Variants in SFI1 observed in about 807,000 individuals in gnomAD.
The protein encoded by SFI1 is SFI1 centrin binding protein, also known as protein SFI1 homolog.
SFI1 carries 195 observed loss-of-function variants against 207.5 expected under a neutral mutation model. The ratio of observed to expected loss-of-function variants is 0.94; its 90% CI spans 0.84 to 1.06. The LOEUF is 1.06. Among genes scored for constraint, SFI1 ranks in the 50% least tolerant of loss-of-function variants. The pLI is 0.00. For missense variants in SFI1, 1,634 were observed against 1,588.0 expected (o/e 1.03, Z -0.49); for synonymous variants, 630 against 598.9 (o/e 1.05, Z -0.76).
intron 1 of SFI1, among the ~76,000 whole-genome samples, chr22:31,505,590 C>A (rs897995377): frequency 6.6e-6 from 1 of 151,756 alleles, no homozygotes; most frequent in African/African-American, 2.4e-5. Context: ...CACTGCACTC[C>A]AGCCTGAGTG....
At chr22:31,518,798 T>C (rs2056852813) in intron 2 of SFI1, among the ~76,000 whole-genome samples, 1 of 152,038 alleles carries the variant, frequency 6.6e-6, no homozygotes. Flanking sequence ...CCTCTAGGAG[T>C]CTGGAATTTT....
intron 4 of SFI1, among the ~76,000 whole-genome samples, chr22:31,535,481 G>A (rs948217537): frequency 1.3e-5 from 2 of 151,082 alleles, no homozygotes. Flanking sequence ...GAGCCACCGC[G>A]CCTGACCTTT....
chr22:31,592,837 G>A (rs1205009328), intron 15 of SFI1, among the ~76,000 whole-genome samples: 10 of 133,610 alleles, frequency 7.5e-5, no homozygotes, highest in Admixed American at 1.4e-4. Context: ...CCCGGACGGG[G>A]CGGCTGGCCA....
intron 9 of SFI1, among the ~76,000 whole-genome samples, chr22:31,573,438 A>T (rs1016564765): frequency 3.5e-5 from 5 of 141,550 alleles, no homozygotes; most frequent in South Asian, 4.5e-4. Flanking sequence ...CTGTAGATAG[A>T]TTTTTTTTTT....
intron 4 of SFI1, among the ~76,000 whole-genome samples, chr22:31,535,935 C>G (rs748338484): frequency 2.6e-5 from 4 of 151,952 alleles, no homozygotes; most frequent in Non-Finnish European, 4.4e-5. Flanking sequence ...AGTCAAGGTT[C>G]GGTTAAGTTT....
At chr22:31,541,560 C>T (rs916210282) in intron 4 of SFI1, among the ~76,000 whole-genome samples, 1 of 151,118 alleles carries the variant, frequency 6.6e-6, no homozygotes, top group Non-Finnish European at 1.5e-5. Flanking sequence ...TCAAGACCAG[C>T]CTGGCCAACA....
At chr22:31,604,213 C>T (rs1317234200) in intron 18 of SFI1, 96 bp from the exon 19 acceptor site, 9 of 924,200 alleles carry the variant, frequency 9.7e-6, no homozygotes, top group Non-Finnish European at 1.5e-5. Context: ...GGTTAATTTA[C>T]ACTCACACAG....
At chr22:31,611,354 G>C (rs142359037) in intron 23 of SFI1, 51 bp downstream of exon 23, 2 of 1,536,254 alleles carry the variant, frequency 1.3e-6, no homozygotes, top group Non-Finnish European at 1.8e-6. Flanking sequence ...GGCAAGGGGT[G>C]TCCAGGCCAG....
chr22:31,537,506 G>A (rs1038873423), intron 4 of SFI1, among the ~76,000 whole-genome samples: 5 of 152,236 alleles, frequency 3.3e-5, no homozygotes, highest in Middle Eastern at 3.4e-3. Context: ...TCATGTCTTC[G>A]CTCTTCAGTG....
chr22:31,530,925 A>G (rs2058455739), intron 3 of SFI1, 133 bp from the exon 4 acceptor site: 2 of 668,100 alleles, frequency 3.0e-6, no homozygotes, highest in Non-Finnish European at 5.2e-6. Context: ...AAAATTAGCT[A>G]TGATACCGCC....
At chr22:31,594,959 T>G (rs1309286176) in intron 15 of SFI1, among the ~76,000 whole-genome samples, 2 of 151,256 alleles carry the variant, frequency 1.3e-5, no homozygotes, top group Non-Finnish European at 2.9e-5. Context: ...TAGTATATGG[T>G]GGGACATAAT....
chr22:31,574,223 C>T (rs2063243445), intron 9 of SFI1, among the ~76,000 whole-genome samples: 1 of 152,212 alleles, frequency 6.6e-6, no homozygotes. Flanking sequence ...CTTACGCTGC[C>T]AACACTGTCT....
At chr22:31,524,794 A>T (rs2057716137) in intron 2 of SFI1, among the ~76,000 whole-genome samples, 1 of 148,436 alleles carries the variant, frequency 6.7e-6, no homozygotes, top group South Asian at 2.1e-4. Context: ...TTTTTATAAT[A>T]TTTGTAATCC....
intron 22 of SFI1, 124 bp from the exon 23 acceptor site, chr22:31,611,019 C>A: frequency 7.7e-7 from 1 of 1,297,998 alleles, no homozygotes; most frequent in Non-Finnish European, 1.1e-6. Flanking sequence ...GTAGTTTCAC[C>A]ATGTGGGCTG....
Position 31,615,130 on chromosome 22 carries a change from C to G in SFI1, c.3151C>G (p.Pro1051Ala). 1 of 1,609,252 alleles carries G rather than the reference C, an allele frequency of 6.2e-7. No individual in the cohort carries two copies. Among genetic ancestry groups the G allele is most frequent in the South Asian group, 1.1e-5 (1 of 90,750 alleles). The change falls in exon 29 of 33, where the codon CCG (proline) becomes GCG (alanine). Residue 1051 changes from proline (P) to alanine (A), a missense_variant. By Grantham distance (27) the Pro-to-Ala change is conservative. Transcript: ENST00000400288. ...GACGCGGCCCTTCCTGGCAGAGGCCCCGACAGCACTGGTCCCACACAGCCC... is the reference window on the plus strand; with the variant it reads ...GACGCGGCCCTTCCTGGCAGAGGCCGCGACAGCACTGGTCCCACACAGCCC... ...SLTRPFLAEA[P>A]TALVPHSPLP... is the part of the protein sequence containing the mutation.
chr22:31,562,482 T>G (rs1418581052), intron 8 of SFI1, among the ~76,000 whole-genome samples: 1 of 151,844 alleles, frequency 6.6e-6, no homozygotes, highest in African/African-American at 2.4e-5. Context: ...TGGTCTTACT[T>G]GTGTTAGGTG....
chr22:31,496,988 A>T (rs1455398061), intron 1 of SFI1, among the ~76,000 whole-genome samples: 1 of 152,176 alleles, frequency 6.6e-6, no homozygotes, highest in Admixed American at 6.5e-5. Flanking sequence ...CGCGGATCCA[A>T]ATCAGGGGTT....
chr22:31,582,206 T>TTATATATA (rs1569376532), intron 12 of SFI1, among the ~76,000 whole-genome samples: 7 of 36,616 alleles, frequency 1.9e-4, no homozygotes, highest in African/African-American at 8.1e-4. Flanking sequence ...TTATTACATT[T>TTATATATA]TATATATATA....
chr22:31,596,607 A>G (rs1052589186), intron 15 of SFI1, among the ~76,000 whole-genome samples: 2 of 152,016 alleles, frequency 1.3e-5, no homozygotes, highest in Non-Finnish European at 2.9e-5. Flanking sequence ...TCTGACCAAC[A>G]TGGCAAAACC....
Sources: gnomAD v4.1 joint callset for allele counts (sites outside exome capture counted in the v4.1 genomes callset) on GRCh38, gnomAD v4.1.1 for gene constraint, MANE v1.5 for transcripts, NCBI Gene and HGNC (gene_info 2026-07-23, HGNC 2026-07-21) for gene names.